The following CTTNBP2 variants were observed in gnomAD, a reference collection of about 807,000 sequenced individuals.
The protein encoded by CTTNBP2 is cortactin binding protein 2.
A neutral mutation model predicts 156.9 loss-of-function variants in CTTNBP2; 108 were observed. The observed-to-expected ratio is 0.69, with a 90% confidence interval of 0.59 to 0.81. The LOEUF (loss-of-function observed/expected upper bound fraction) is 0.81. Ranked by LOEUF, CTTNBP2 falls within the 30% of genes least tolerant of loss-of-function variation. The pLI is 0.00. For missense variants in CTTNBP2, 1,924 were observed against 2,035.4 expected (o/e 0.95, Z 1.05); for synonymous variants, 767 against 751.8 (o/e 1.02, Z -0.33).
chr7:117,841,955 A>T (rs1053250786), intron 2 of CTTNBP2, among the ~76,000 whole-genome samples: 1 of 152,186 alleles, frequency 6.6e-6, no homozygotes, highest in Admixed American at 6.5e-5. Flanking sequence ...GAACCTAGAG[A>T]CAAAAGAAAA....
Position 117,817,361 on chromosome 7 carries a change from A to ATATAT in CTTNBP2, c.190-6373_190-6372insATATA, listed in dbSNP as rs1298639361. On this transcript the variant is annotated intron_variant, in intron 2 of 22. Transcript: ENST00000160373. ...AAAAAAAAAAAAAAAAAAAAAAAAA[A>ATATAT]ATATATATATATATATATATATATA... is the stretch of plus-strand genomic sequence containing the variant. Among the ~76,000 whole-genome samples, 214 of 53,282 alleles carry ATATAT rather than the reference A, an allele frequency of 4.0e-3. 27 individuals are homozygous for ATATAT. Among genetic ancestry groups the ATATAT allele is most frequent in the Admixed American group, 8.4e-3 (31 of 3,710 alleles). The allele number at this position is 53,282 out of a possible 152,430, so 35.0% of individuals were successfully genotyped here.
intron 8 of CTTNBP2, among the ~76,000 whole-genome samples, chr7:117,773,061 A>G (rs1797877120): frequency 1.3e-5 from 2 of 152,256 alleles, no homozygotes; most frequent in African/African-American, 4.8e-5. Context: ...CAAAAGCATT[A>G]CAATAGAGTT....
chr7:117,862,437 G>A (rs1322018062), intron 1 of CTTNBP2, among the ~76,000 whole-genome samples: 2 of 152,162 alleles, frequency 1.3e-5, no homozygotes, highest in East Asian at 1.9e-4. Flanking sequence ...TAAATCCCAT[G>A]AATATACCAT....
At chr7:117,870,347 T>C (rs1209169789) in intron 1 of CTTNBP2, among the ~76,000 whole-genome samples, 1 of 152,250 alleles carries the variant, frequency 6.6e-6, no homozygotes, top group South Asian at 2.1e-4. Flanking sequence ...AACTATAATT[T>C]AGTTTAAAAA....
intron 17 of CTTNBP2, among the ~76,000 whole-genome samples, chr7:117,727,487 C>A (rs1329128481): frequency 6.6e-6 from 1 of 152,182 alleles, no homozygotes; most frequent in Non-Finnish European, 1.5e-5. Context: ...ACCACTACAT[C>A]CAGCTAAGAA....
At position 117,780,438 on chromosome 7, in the gene CTTNBP2, C is replaced by A; in HGVS notation, c.2523+3G>T. The stretch of plus-strand genomic sequence containing the variant: ...AGGGGGAAAAAAACAGACTGCTACT[C>A]ACTGTGGTTTTTACACTTCGATTGG... On this transcript the variant is annotated splice_donor_region_variant and intron_variant, in intron 7 of 22. Coordinates refer to ENST00000160373, the MANE Select transcript of CTTNBP2 (RefSeq NM_033427.3). The A allele has an allele frequency of 1.3e-6, 2 of 1,547,752 alleles. No individual in the cohort carries two copies. The highest frequency in any genetic ancestry group is 1.3e-5 in the South Asian group (1 of 78,642).
intron 2 of CTTNBP2, among the ~76,000 whole-genome samples, chr7:117,825,116 T>C (rs1349089768): frequency 6.6e-6 from 1 of 152,146 alleles, no homozygotes; most frequent in African/African-American, 2.4e-5. Flanking sequence ...CTGGTACAAA[T>C]GTACATTTCA....
rs754246818 is a variant in CTTNBP2, at chr7:117,721,129, A to C, written c.4449T>G (p.Gly1483=). 1.9e-6 allele frequency: 3 copies of C among 1,577,656 alleles called. No individual in the cohort carries two copies. The Admixed American group carries it at 5.0e-5, about 26-fold the overall frequency. Residue 1483 remains glycine, a splice_region_variant and synonymous_variant, in exon 20 of 23, where the codon GGT becomes GGG. Coordinates refer to ENST00000160373, the MANE Select transcript of CTTNBP2 (RefSeq NM_033427.3). ...GCTGTGATATAGTCTTATTTTTCAT[A>C]CCTGTTAAAAAAGAGAACCATTTTC... The part of the protein sequence containing the change: ...TWNKPDLSTE[G]MKNKTISQLN...
chr7:117,783,408 T>C (rs897630147), intron 5 of CTTNBP2, among the ~76,000 whole-genome samples: 2 of 152,242 alleles, frequency 1.3e-5, no homozygotes, highest in South Asian at 2.1e-4. Context: ...ATTTAATCTT[T>C]AAACTGCTTT....
At chr7:117,740,791 C>T (rs1795965483) in intron 14 of CTTNBP2, among the ~76,000 whole-genome samples, 1 of 152,200 alleles carries the variant, frequency 6.6e-6, no homozygotes, top group Non-Finnish European at 1.5e-5. Flanking sequence ...CCACACCTGT[C>T]GATGGATCCT....
chr7:117,724,871 C>A, intron 18 of CTTNBP2, 139 bp from the exon 19 acceptor site: 1 of 1,123,888 alleles, frequency 8.9e-7, no homozygotes, highest in Non-Finnish European at 1.3e-6. Context: ...GAACCAGCAC[C>A]AACTTTACTT....
chr7:117,786,449 A>G (rs1270490893), intron 4 of CTTNBP2: 2 of 437,728 alleles, frequency 4.6e-6, no homozygotes, highest in Non-Finnish European at 9.2e-6. Context: ...AAACAAACAA[A>G]AAACAGGCCC....
At chr7:117,794,309 T>A (rs191350346) in intron 3 of CTTNBP2, among the ~76,000 whole-genome samples, 1 of 152,282 alleles carries the variant, frequency 6.6e-6, no homozygotes, top group African/African-American at 2.4e-5. Context: ...AGAAGCCAGG[T>A]TGGCCTACAT....
chr7:117,793,311 CAT>C (rs1799137654), intron 3 of CTTNBP2: 1 of 152,138 alleles, frequency 6.6e-6, no homozygotes, highest in African/African-American at 2.4e-5. Context: ...TTGTGGAAAT[CAT>C]ATAAAATTAT....
chr7:117,847,590 T>C (rs1218983215), intron 2 of CTTNBP2, among the ~76,000 whole-genome samples: 2 of 152,176 alleles, frequency 1.3e-5, no homozygotes, highest in African/African-American at 4.8e-5. Context: ...AGCCAAATTA[T>C]TTCAGGGCTA....
intron 9 of CTTNBP2, among the ~76,000 whole-genome samples, chr7:117,766,291 G>A (rs936546995): frequency 4.0e-5 from 6 of 151,884 alleles, no homozygotes; most frequent in African/African-American, 1.2e-4. Context: ...AAACCCCCTC[G>A]GGTTTAAAGA....
intron 2 of CTTNBP2, among the ~76,000 whole-genome samples, chr7:117,849,767 C>G (rs1174893390): frequency 6.6e-6 from 1 of 152,220 alleles, no homozygotes; most frequent in Non-Finnish European, 1.5e-5. Flanking sequence ...CATAATTCAT[C>G]TTCATTAGAA....
At chr7:117,828,359 A>G (rs372149636) in intron 2 of CTTNBP2, among the ~76,000 whole-genome samples, 2 of 152,204 alleles carry the variant, frequency 1.3e-5, no homozygotes, top group Non-Finnish European at 2.9e-5. Context: ...GATGGGTGGC[A>G]TATGTGCAAA....
chr7:117,842,160 C>G (rs1228909363), intron 2 of CTTNBP2, among the ~76,000 whole-genome samples: 31 of 152,170 alleles, frequency 2.0e-4, no homozygotes, highest in Admixed American at 2.0e-3. Context: ...AGAACCCTCT[C>G]TACTTTCTAC....
Sources: allele counts gnomAD v4.1 joint callset (sites outside exome capture counted in the v4.1 genomes callset), GRCh38; gene constraint gnomAD v4.1.1; transcripts MANE v1.5; gene names NCBI Gene and HGNC (gene_info 2026-07-23, HGNC 2026-07-21).